NTSR1: variants seen among roughly 807,000 people sequenced by gnomAD.
NTSR1 encodes neurotensin receptor type 1.
Under a neutral mutation model 31.2 loss-of-function variants are expected in NTSR1, and 29 were observed. The observed-to-expected ratio is 0.93, with a 90% CI of 0.69 to 1.27. NTSR1 has a LOEUF of 1.27. Among genes scored for constraint, NTSR1 ranks in the 50% most tolerant of loss-of-function variants. The pLI is 0.00. For missense variants in NTSR1, 697 were observed against 595.4 expected (o/e 1.17, Z -1.78); for synonymous variants, 282 against 269.9 (o/e 1.04, Z -0.44).
intron 1 of NTSR1, among the ~76,000 whole-genome samples, chr20:62,723,881 C>T (rs2427415): frequency 0.91 from 138,673 of 152,262 alleles, 63,348 homozygotes; most frequent in East Asian, 1. Context: ...CAGGTGAACA[C>T]GCTGACCCCC....
At position 62,752,413 on chromosome 20, in the gene NTSR1, C is replaced by T. The variant is rs1159170624; in HGVS notation, c.715-2272C>T. On this transcript the variant is annotated intron_variant, in intron 1 of 3. Transcript: ENST00000370501. Reference sequence around the variant, plus strand: ...CAGGAGTCGGGGTGCATTCCCCTCACCCCCCAATCCTACTCGGCTTCAGTC... The same window carrying T: ...CAGGAGTCGGGGTGCATTCCCCTCATCCCCCAATCCTACTCGGCTTCAGTC... Among the ~76,000 whole-genome samples, 3 of 152,134 alleles carry T rather than the reference C, an allele frequency of 2.0e-5. No homozygotes were observed. In the East Asian group the frequency reaches 5.8e-4, roughly 29 times the overall value.
At chr20:62,734,204 C>T (rs1431424776) in intron 1 of NTSR1, among the ~76,000 whole-genome samples, 2 of 151,030 alleles carry the variant, frequency 1.3e-5, no homozygotes, top group Non-Finnish European at 2.9e-5. Flanking sequence ...TGGTGGGGGA[C>T]GGGCAAGAGA....
chr20:62,724,441 AGGG>A (rs10534898), intron 1 of NTSR1, among the ~76,000 whole-genome samples: 138,536 of 152,044 alleles, frequency 0.91, 63,308 homozygotes, highest in East Asian at 1. Flanking sequence ...GACAAGGTGC[AGGG>A]CACCCATCAA....
intron 3 of NTSR1, among the ~76,000 whole-genome samples, chr20:62,759,114 G>A (rs1295173492): frequency 2.0e-5 from 3 of 152,230 alleles, no homozygotes; most frequent in African/African-American, 7.2e-5. Flanking sequence ...CAGTGGGGCT[G>A]CCAGATCCCA....
Position 62,709,073 on chromosome 20 carries a change from G to T in NTSR1, c.-135G>T, listed in dbSNP as rs1449135091. ...TGGGTCTGGCGCTTCCCGACTGGAC[G>T]GCGCGCCCGCTGGTCTTCGCCACGC... On this transcript the variant is annotated 5_prime_UTR_variant, in exon 1 of 4. Coordinates refer to ENST00000370501, the MANE Select transcript of NTSR1 (RefSeq NM_002531.3). 5.9e-6 allele frequency: 4 copies of T among 676,816 alleles called. No homozygotes were observed. Among genetic ancestry groups the T allele is most frequent in the Non-Finnish European group, 8.8e-6 (4 of 453,414 alleles). The allele number at this position is 676,816 out of a possible 1,614,324, so 41.9% of individuals were successfully genotyped here.
rs564304244 is a variant in NTSR1, at chr20:62,743,604, C to G, written c.715-11081C>G. On this transcript the variant is annotated intron_variant, in intron 1 of 3. Transcript: ENST00000370501. The surrounding 1 kb of genome is among the most constrained non-coding windows in gnomAD (Gnocchi z 7.5). ...GTGTGGACAGGAGCCTCCCCTCCCA[C>G]CCGCCCCGCAGCCTCTGCAGCCATC... Among the ~76,000 whole-genome samples, 12 of 152,042 alleles carry G rather than the reference C, an allele frequency of 7.9e-5. No individual in the cohort carries two copies. The highest frequency in any genetic ancestry group is 2.9e-4 in the African/African-American group (12 of 41,484).
At chr20:62,710,060 C>T (rs1408520060) in intron 1 of NTSR1, 139 bp downstream of exon 1, 2 of 745,910 alleles carry the variant, frequency 2.7e-6, no homozygotes, top group African/African-American at 3.5e-5. Flanking sequence ...GCGGTTGGGG[C>T]AGCTTGGGGG....
At chr20:62,754,448 A>G (rs1989444905) in intron 1 of NTSR1, among the ~76,000 whole-genome samples, 1 of 152,158 alleles carries the variant, frequency 6.6e-6, no homozygotes, top group Non-Finnish European at 1.5e-5. Flanking sequence ...GGAGTCTGCA[A>G]ACTTCTTCCC....
rs758920013 is a variant in NTSR1 at position 62,708,878 on chromosome 20, C to T, written c.-330C>T. 50 of 294,886 alleles carry T rather than the reference C, an allele frequency of 1.7e-4. No individual in the cohort carries two copies. The highest frequency in any genetic ancestry group is 2.6e-4 in the Non-Finnish European group (42 of 160,830). 18.3% of individuals were successfully genotyped at this position (294,886 alleles called of 1,614,324 possible). Reference sequence around the variant, plus strand: ...AGCCCGAGCCGGGCTGGGCGCTGTCCTCGGGGGCCTGGGGAACCGCGCGGT... The same window carrying T: ...AGCCCGAGCCGGGCTGGGCGCTGTCTTCGGGGGCCTGGGGAACCGCGCGGT... On this transcript the variant is annotated 5_prime_UTR_variant, in exon 1 of 4. Transcript: ENST00000370501. This position sits in a 1 kb window ranked among gnomAD's most constrained non-coding sequence, Gnocchi z 5.9.
In NTSR1 at chr20:62,745,000, C is replaced by T. The variant is rs1167569322; in HGVS notation, c.715-9685C>T. On this transcript the variant is annotated intron_variant, in intron 1 of 3. Coordinates refer to ENST00000370501, the MANE Select transcript of NTSR1 (RefSeq NM_002531.3). This position sits in a 1 kb window ranked among gnomAD's most constrained non-coding sequence, Gnocchi z 4.1. The stretch of plus-strand genomic sequence containing the variant: ...CATGGAGGCAGCCCCACCTCCAGAC[C>T]ACCACGGCTGTCACAGCAGACACCC... Among the ~76,000 whole-genome samples the T allele has an allele frequency of 6.6e-6, 1 of 152,204 alleles. No individual in the cohort carries two copies. Among genetic ancestry groups the T allele is most frequent in the Admixed American group, 6.5e-5 (1 of 15,280 alleles).
chr20:62,728,426 G>A (rs1600723910), intron 1 of NTSR1, among the ~76,000 whole-genome samples: 2 of 152,330 alleles, frequency 1.3e-5, no homozygotes, highest in South Asian at 4.1e-4. Context: ...TGAACAGACA[G>A]ACGTCCCCGC....
At chr20:62,734,679 TG>T (rs1364395591) in intron 1 of NTSR1, among the ~76,000 whole-genome samples, 41 of 152,304 alleles carry the variant, frequency 2.7e-4, no homozygotes, top group Admixed American at 5.9e-4. Flanking sequence ...CATTGAGACA[TG>T]GCTGGTCTGA....
intron 1 of NTSR1, among the ~76,000 whole-genome samples, chr20:62,752,067 G>A (rs937506986): frequency 6.6e-6 from 1 of 152,212 alleles, no homozygotes; most frequent in African/African-American, 2.4e-5. Flanking sequence ...TTTCCCACTT[G>A]AACTGTAGAG....
rs143383902 is a variant in NTSR1, at chr20:62,760,213, C to T, written c.1203C>T (p.Ser401=). The T allele has an allele frequency of 5.1e-5, 82 of 1,613,580 alleles. No individual in the cohort carries two copies. The highest frequency in any genetic ancestry group is 1.6e-4 in the Middle Eastern group (1 of 6,084). The change falls in exon 4 of 4, where the codon AGC becomes AGT. Residue 401 remains serine (S), a synonymous_variant. Coordinates refer to ENST00000370501, the MANE Select transcript of NTSR1 (RefSeq NM_002531.3). ...KRPAFSRKAD[S]VSSNHTLSSN... Reference sequence around the variant, plus strand: ...CAGCCTTCTCGAGGAAGGCCGACAGCGTGTCCAGCAACCACACCCTCTCCA... The same window carrying T: ...CAGCCTTCTCGAGGAAGGCCGACAGTGTGTCCAGCAACCACACCCTCTCCA...
rs6011231 is a variant in NTSR1, at chr20:62,762,704, A to G, written c.*2437A>G. Reference sequence around the variant, plus strand: ...TCAAACGCCCACCCCCACTCCCACCATCTGCAGGTGGTGAAAACAAACCCC... The same window carrying G: ...TCAAACGCCCACCCCCACTCCCACCGTCTGCAGGTGGTGAAAACAAACCCC... On this transcript the variant is annotated 3_prime_UTR_variant, in exon 4 of 4. Transcript: ENST00000370501. 1 of 151,870 alleles carries G rather than the reference A, an allele frequency of 6.6e-6. No individual in the cohort carries two copies. Among genetic ancestry groups the G allele is most frequent in the East Asian group, 1.9e-4 (1 of 5,154 alleles). 9.4% of individuals were successfully genotyped at this position (151,870 alleles called of 1,614,324 possible).
rs11481597 is a variant in NTSR1 at position 62,744,554 on chromosome 20, C to CAAA, written c.715-10118_715-10116dup. ...TGGGTGACAGAACAAGACTCCGTCTCAAAAAAAAAAAAAAATACAAAATTA... is the reference window on the plus strand; with the variant it reads ...TGGGTGACAGAACAAGACTCCGTCTCAAAAAAAAAAAAAAAAAATACAAAATTA... On this transcript the variant is annotated intron_variant, in intron 1 of 3. Transcript: ENST00000370501. This position sits in a 1 kb window ranked among gnomAD's most constrained non-coding sequence, Gnocchi z 4.1. Among the ~76,000 whole-genome samples the CAAA allele has an allele frequency of 0.015, 1,711 of 116,774 alleles. 39 individuals carry two copies. Among genetic ancestry groups the CAAA allele is most frequent in the African/African-American group, 0.05 (1,549 of 30,678 alleles). 76.6% of individuals were successfully genotyped at this position (116,774 alleles called of 152,430 possible).
rs145103337 is a variant in NTSR1, at chr20:62,741,343, C to T, written c.715-13342C>T. The stretch of plus-strand genomic sequence containing the variant: ...CCAGCAATCAGGAGGGAAAAGATTC[C>T]AACTCCCACACTCAGGGCTCCCTGC... On this transcript the variant is annotated intron_variant, in intron 1 of 3. Coordinates refer to ENST00000370501, the MANE Select transcript of NTSR1 (RefSeq NM_002531.3). The surrounding 1 kb of genome is among the most constrained non-coding windows in gnomAD (Gnocchi z 4.3). Among the ~76,000 whole-genome samples the T allele has an allele frequency of 4.8e-4, 65 of 136,566 alleles. 8 individuals are homozygous for T. In the East Asian group the frequency reaches 0.024, roughly 50 times the overall value. 89.6% of individuals were successfully genotyped at this position (136,566 alleles called of 152,430 possible).
At chr20:62,754,600 C>CCCCAATCAGCACGGCAGGCAT in intron 1 of NTSR1, 85 bp from the exon 2 acceptor site, 2 of 1,114,144 alleles carry the variant, frequency 1.8e-6, no homozygotes, top group Non-Finnish European at 2.7e-6. Context: ...AGGCCTGACA[C>CCCCAATCAGCACGGCAGGCAT]CCCAATCAGC....
chr20:62,733,329 C>T lies in NTSR1; in HGVS notation c.715-21356C>T, dbSNP rs141484320. 6 of 152,316 alleles carry T rather than the reference C, an allele frequency of 3.9e-5. No homozygotes were observed. The highest frequency in any genetic ancestry group is 3.3e-4 in the Admixed American group (5 of 15,300). The allele number at this position is 152,316 out of a possible 1,614,324, so 9.4% of individuals were successfully genotyped here. ...TAGCACCAATTAGGGAAGAATGAAG[C>T]TCTTGGTTCCCTCCTGAAGCACTTG... On this transcript the variant is annotated intron_variant, in intron 1 of 3. Transcript: ENST00000370501. The surrounding 1 kb of genome is among the most constrained non-coding windows in gnomAD (Gnocchi z 5.2).
Sources: allele counts gnomAD v4.1 joint callset (sites outside exome capture counted in the v4.1 genomes callset), GRCh38; gene constraint gnomAD v4.1.1; non-coding constraint Gnocchi (gnomAD v3.1); transcripts MANE v1.5; gene names NCBI Gene and HGNC (gene_info 2026-07-23, HGNC 2026-07-21).